The following UVRAG variants were observed in gnomAD, a reference collection of about 807,000 sequenced individuals.
UVRAG encodes the protein UV radiation resistance-associated gene protein.
A neutral mutation model predicts 78.0 loss-of-function variants in UVRAG; 19 were observed. That is an observed-to-expected ratio of 0.24 (90% CI 0.17 to 0.36). The LOEUF (loss-of-function observed/expected upper bound fraction) is 0.36. UVRAG is among the 10% of genes least tolerant of loss of function. The pLI, the probability that UVRAG is intolerant of heterozygous loss-of-function variation, is 1.00. For missense variants in UVRAG, 740 were observed against 853.8 expected (o/e 0.87, Z 1.66); for synonymous variants, 323 against 324.6 (o/e 1.00, Z 0.05).
intron 8 of UVRAG, among the ~76,000 whole-genome samples, chr11:75,997,675 A>G (rs191156130): frequency 2.6e-5 from 4 of 152,346 alleles, no homozygotes; most frequent in African/African-American, 9.6e-5. Flanking sequence ...TCCAAGATAC[A>G]AAGTAGATAG....
At chr11:75,861,859 T>G in intron 3 of UVRAG, 79 bp downstream of exon 3, 1 of 1,245,012 alleles carries the variant, frequency 8.0e-7, no homozygotes, top group Non-Finnish European at 1.2e-6. Context: ...TAAAATAAGT[T>G]GAGGTTCAGC....
Position 76,087,928 on chromosome 11 carries a change from G to A in UVRAG, c.1305+22140G>A, listed in dbSNP as rs183570840. On this transcript the variant is annotated intron_variant, in intron 13 of 14. Coordinates refer to ENST00000356136, the MANE Select transcript of UVRAG (RefSeq NM_003369.4). ...CTCACTCTGTTGCTCAGACTGGAGC[G>A]CAGTGGTGCAATCACAGCTCACTGC... Among the ~76,000 whole-genome samples, 6 of 152,282 alleles carry A rather than the reference G, an allele frequency of 3.9e-5. No individual in the cohort carries two copies. The East Asian group carries it at 7.7e-4, about 20-fold the overall frequency.
chr11:75,854,520 G>A (rs1305465729), intron 2 of UVRAG, among the ~76,000 whole-genome samples: 1 of 151,950 alleles, frequency 6.6e-6, no homozygotes, highest in Non-Finnish European at 1.5e-5. Flanking sequence ...ACGTTCAAGC[G>A]ATTCTCCTGC....
At chr11:75,896,343 TC>T (rs1451216868) in intron 5 of UVRAG, among the ~76,000 whole-genome samples, 10 of 152,322 alleles carry the variant, frequency 6.6e-5, no homozygotes, top group Middle Eastern at 3.4e-3. Context: ...ATCTTTCAGA[TC>T]CCTATTCAGG....
At chr11:75,997,453 T>C (rs1949729219) in intron 8 of UVRAG, among the ~76,000 whole-genome samples, 1 of 152,228 alleles carries the variant, frequency 6.6e-6, no homozygotes, top group South Asian at 2.1e-4. Flanking sequence ...ACAGAGAGGC[T>C]ATCTGATTTA....
intron 14 of UVRAG, among the ~76,000 whole-genome samples, chr11:76,130,927 G>T (rs1952501408): frequency 6.8e-6 from 1 of 146,682 alleles, no homozygotes; most frequent in South Asian, 2.2e-4. Flanking sequence ...GAGGTTTTGG[G>T]TTTTTTTGTT....
intron 14 of UVRAG, among the ~76,000 whole-genome samples, chr11:76,119,439 A>G (rs1251957353): frequency 6.6e-6 from 1 of 152,016 alleles, no homozygotes; most frequent in Non-Finnish European, 1.5e-5. Context: ...TTTTGTCTTC[A>G]GTGTAAACCT....
intron 13 of UVRAG, among the ~76,000 whole-genome samples, chr11:76,076,574 G>A (rs1452026921): frequency 5.9e-5 from 9 of 152,028 alleles, no homozygotes; most frequent in African/African-American, 2.2e-4. Flanking sequence ...GATTTGGGTG[G>A]GGACACAGCC....
intron 11 of UVRAG, 70 bp from the exon 12 acceptor site, chr11:76,016,745 T>G (rs1297742148): frequency 2.0e-5 from 26 of 1,289,840 alleles, no homozygotes; most frequent in Non-Finnish European, 2.6e-5. Flanking sequence ...TCTTTGAAAA[T>G]TATTTATTAT....
At chr11:75,852,371 T>C (rs1038956696) in intron 2 of UVRAG, among the ~76,000 whole-genome samples, 2 of 152,218 alleles carry the variant, frequency 1.3e-5, no homozygotes, top group African/African-American at 4.8e-5. Flanking sequence ...TTATATCTTC[T>C]CGTATCTGTA....
intron 1 of UVRAG, among the ~76,000 whole-genome samples, chr11:75,847,203 C>G (rs987501107): frequency 6.6e-6 from 1 of 151,732 alleles, no homozygotes. Flanking sequence ...TCTCGGCTTA[C>G]TGCAACGTCC....
chr11:75,989,770 C>T (rs922597870), intron 8 of UVRAG, among the ~76,000 whole-genome samples: 1 of 152,154 alleles, frequency 6.6e-6, no homozygotes, highest in Admixed American at 6.5e-5. Flanking sequence ...GTTTTGATGT[C>T]GTCTTATCTT....
intron 6 of UVRAG, among the ~76,000 whole-genome samples, chr11:75,947,213 A>G (rs1045625482): frequency 6.6e-6 from 1 of 152,166 alleles, no homozygotes; most frequent in Admixed American, 6.5e-5. Flanking sequence ...TTCAGCCTAT[A>G]GCACCCAGCT....
intron 12 of UVRAG, 105 bp from the exon 13 acceptor site, chr11:76,065,605 T>C: frequency 1.1e-6 from 1 of 920,594 alleles, no homozygotes; most frequent in Non-Finnish European, 1.7e-6. Context: ...TTAGTCCAAT[T>C]CAGATGTTTA....
At chr11:75,932,290 T>C (rs1806824787) in intron 6 of UVRAG, among the ~76,000 whole-genome samples, 1 of 151,504 alleles carries the variant, frequency 6.6e-6, no homozygotes, top group South Asian at 2.1e-4. Flanking sequence ...TATTTATTTA[T>C]TTATTTATTT....
rs924705437 is a variant in UVRAG at position 75,835,974 on chromosome 11, G to A, written c.118-15909G>A. On this transcript the variant is annotated intron_variant, in intron 1 of 14. Transcript: ENST00000356136. ...AAATTAACTGGGCGTGGTGGTGTGC[G>A]CCTGTAGTCCCAGCTACTTGGGAGG... 5.3e-5 allele frequency among the ~76,000 whole-genome samples: 8 copies of A among 151,962 alleles called. No individual in the cohort carries two copies. In the East Asian group the frequency reaches 7.7e-4, roughly 15 times the overall value.
intron 1 of UVRAG, among the ~76,000 whole-genome samples, chr11:75,824,993 A>G (rs1327556006): frequency 6.6e-6 from 1 of 151,948 alleles, no homozygotes; most frequent in Non-Finnish European, 1.5e-5. Flanking sequence ...TTTTCAACGT[A>G]CTGGAATGTG....
At chr11:75,954,107 T>A (rs1367982857) in intron 6 of UVRAG, among the ~76,000 whole-genome samples, 2 of 152,256 alleles carry the variant, frequency 1.3e-5, no homozygotes, top group South Asian at 2.1e-4. Flanking sequence ...TACTTCAAAC[T>A]TTTATTCTCC....
chr11:75,983,801 A>G, intron 8 of UVRAG: 1 of 259,086 alleles, frequency 3.9e-6, no homozygotes. Context: ...CAACTATAAC[A>G]CAATGGTGAG....
Sources: gnomAD v4.1 joint callset for allele counts (sites outside exome capture counted in the v4.1 genomes callset) on GRCh38, gnomAD v4.1.1 for gene constraint, MANE v1.5 for transcripts, NCBI Gene and HGNC (gene_info 2026-07-23, HGNC 2026-07-21) for gene names.